PDCD7: variants seen among roughly 807,000 people sequenced by gnomAD.
The protein encoded by PDCD7 is programmed cell death protein 7.
A neutral mutation model predicts 42.1 loss-of-function variants in PDCD7; 40 were observed. That is an observed-to-expected ratio of 0.95 (90% CI 0.74 to 1.24). The LOEUF (loss-of-function observed/expected upper bound fraction) is 1.24. Among genes scored for constraint, PDCD7 ranks in the 50% most tolerant of loss-of-function variants. PDCD7 has a pLI of 0.00. For missense variants in PDCD7, 644 were observed against 662.8 expected, an observed-to-expected ratio of 0.97 and a Z score of 0.31; for synonymous variants, 299 against 303.3, an observed-to-expected ratio of 0.99 and a Z score of 0.15.
Position 65,118,732 on chromosome 15 carries a change from A to C in PDCD7, c.1443T>G (p.Ala481=). The C allele has an allele frequency of 6.2e-7, 1 of 1,608,218 alleles. No individual in the cohort carries two copies. The highest frequency in any genetic ancestry group is 8.5e-7 in the Non-Finnish European group (1 of 1,177,718). Residue 481 remains alanine, a synonymous_variant, in exon 5 of 5, where the codon GCT becomes GCG. Coordinates refer to ENST00000204549, the MANE Select transcript of PDCD7 (RefSeq NM_005707.2). ...AGCATCTTTACTAATGCAGCTTAAC[A>C]GCAGTTGCCCAGATGTCGTTGCTGG... The part of the protein sequence containing the change: ...PLPSNDIWAT[A]VKLH
chr15:65,128,893 C>T, intron 2 of PDCD7, 139 bp downstream of exon 2: 3 of 963,742 alleles, frequency 3.1e-6, no homozygotes, highest in Admixed American at 4.4e-5. Flanking sequence ...TTCTGACCTA[C>T]TTGCTGACAA....
rs2087565481 is a variant in PDCD7 at position 65,133,775 on chromosome 15, G to A, written c.7C>T (p.Leu3=). Reference sequence around the variant, plus strand: ...CGACCCTGGCCGAAGAATGGTGGCAGGGCCATGTTCACGACGGAGATGCTT... The same window carrying A: ...CGACCCTGGCCGAAGAATGGTGGCAAGGCCATGTTCACGACGGAGATGCTT... MA[L]PPFFGQGRPG... is the part of the protein sequence containing the mutation. The change falls in exon 1 of 5, where the codon CTG becomes TTG. Residue 3 remains leucine (L), a synonymous_variant. Transcript: ENST00000204549. 11 of 1,357,028 alleles carry A rather than the reference G, an allele frequency of 8.1e-6. No homozygotes were observed. Among genetic ancestry groups the A allele is most frequent in the Non-Finnish European group, 1.0e-5 (11 of 1,052,644 alleles). 84.1% of individuals were successfully genotyped at this position (1,357,028 alleles called of 1,614,324 possible).
In PDCD7 at chr15:65,118,230, A is replaced by T. The variant is rs1043345782; in HGVS notation, c.*487T>A. ...AAAACTGGGATTAACACAACTGAAG[A>T]TAACATTTTTGACCTTTCTTCCTAG... On this transcript the variant is annotated 3_prime_UTR_variant, in exon 5 of 5. Transcript: ENST00000204549. 1 of 152,370 alleles carries T rather than the reference A, an allele frequency of 6.6e-6. No homozygotes were observed. Among genetic ancestry groups the T allele is most frequent in the African/African-American group, 2.4e-5 (1 of 41,448 alleles). The allele number at this position is 152,370 out of a possible 1,614,324, so 9.4% of individuals were successfully genotyped here. A position where few individuals can be genotyped will look rare whatever the true frequency, so the allele number is the denominator to read the frequency against.
At chr15:65,129,203 A>G (rs916750935) in intron 1 of PDCD7, 33 bp from the exon 2 acceptor site, 35 of 1,610,306 alleles carry the variant, frequency 2.2e-5, no homozygotes, top group African/African-American at 2.1e-4. Context: ...GAGACCTCGT[A>G]TTAGGAACAA....
intron 4 of PDCD7, 65 bp downstream of exon 4, chr15:65,119,311 A>C: frequency 9.5e-7 from 1 of 1,053,630 alleles, no homozygotes; most frequent in African/African-American, 1.6e-5. Context: ...AAACAATGTA[A>C]GCACTTCTTC....
chr15:65,132,882 C>G (rs1424634819), intron 1 of PDCD7, 30 bp downstream of exon 1: 2 of 1,599,946 alleles, frequency 1.3e-6, no homozygotes, highest in Admixed American at 3.3e-5. Context: ...CACCACCACT[C>G]CTACCCCCAT....
rs1029440683 is a variant in PDCD7 at position 65,129,269 on chromosome 15, C to G, written c.871-99G>C. The G allele has an allele frequency of 4.0e-5, 53 of 1,341,002 alleles. No homozygotes were observed. The East Asian group carries it at 1.2e-3, about 30-fold the overall frequency. 83.1% of individuals were successfully genotyped at this position (1,341,002 alleles called of 1,614,324 possible). The stretch of plus-strand genomic sequence containing the variant: ...TAGATTTTAAAGGATCAGACAGTCT[C>G]CAGGTTAAGAGAGACTCTATTGAAT... On this transcript the variant is annotated intron_variant, in intron 1 of 4. Transcript: ENST00000204549.
At chr15:65,120,280 T>G (rs1388919117) in intron 2 of PDCD7, among the ~76,000 whole-genome samples, 1 of 152,080 alleles carries the variant, frequency 6.6e-6, no homozygotes, top group Non-Finnish European at 1.5e-5. Context: ...GCCTCCCAAG[T>G]AGCTGGGACC....
intron 2 of PDCD7, among the ~76,000 whole-genome samples, chr15:65,127,536 C>T (rs1449270421): frequency 6.6e-6 from 1 of 152,138 alleles, no homozygotes; most frequent in Non-Finnish European, 1.5e-5. Flanking sequence ...CTAGCATAGC[C>T]CATAAGACAA....
chr15:65,128,904 G>A (rs904084115), intron 2 of PDCD7, 128 bp downstream of exon 2: 13 of 1,097,180 alleles, frequency 1.2e-5, no homozygotes, highest in Middle Eastern at 2.8e-4. Context: ...TTGCTGACAA[G>A]CCCAGTTACC....
intron 4 of PDCD7, 43 bp from the exon 5 acceptor site, chr15:65,118,883 T>G: frequency 7.0e-7 from 1 of 1,434,406 alleles, no homozygotes; most frequent in Non-Finnish European, 9.3e-7. Flanking sequence ...TTCTGTTTTA[T>G]TCCAAATAAG....
chr15:65,132,178 G>A (rs1454891578), intron 1 of PDCD7, among the ~76,000 whole-genome samples: 1 of 149,940 alleles, frequency 6.7e-6, no homozygotes, highest in Non-Finnish European at 1.5e-5. Flanking sequence ...CTGAACCTGG[G>A]GATACATGGT....
At chr15:65,126,455 T>C (rs2087496846) in intron 2 of PDCD7, among the ~76,000 whole-genome samples, 1 of 152,172 alleles carries the variant, frequency 6.6e-6, no homozygotes, top group Admixed American at 6.6e-5. Context: ...GTTTTCCTTC[T>C]TAATTAGAAT....
chr15:65,129,916 T>C (rs539788311), intron 1 of PDCD7, among the ~76,000 whole-genome samples: 4 of 117,170 alleles, frequency 3.4e-5, no homozygotes, highest in African/African-American at 1.4e-4. Context: ...AAACTTTGTA[T>C]TTTTTTTTTT....
At chr15:65,128,030 A>C (rs1245530698) in intron 2 of PDCD7, among the ~76,000 whole-genome samples, 1 of 152,254 alleles carries the variant, frequency 6.6e-6, no homozygotes, top group Admixed American at 6.5e-5. Context: ...AAAGCCAATC[A>C]CTTAGCTAGC....
intron 1 of PDCD7, among the ~76,000 whole-genome samples, chr15:65,131,996 G>C (rs1216985853): frequency 6.6e-6 from 1 of 151,394 alleles, no homozygotes; most frequent in African/African-American, 2.4e-5. Context: ...TCAAAATCTG[G>C]TATATGTAAT....
chr15:65,120,815 GC>G (rs2087447630), intron 2 of PDCD7, among the ~76,000 whole-genome samples: 1 of 152,118 alleles, frequency 6.6e-6, no homozygotes, highest in Non-Finnish European at 1.5e-5. Flanking sequence ...CCCAAAGTGA[GC>G]CACTGCATCC....
Position 65,118,534 on chromosome 15 carries a change from T to C in PDCD7, c.*183A>G. The C allele has an allele frequency of 2.0e-6, 1 of 512,428 alleles. No homozygotes were observed. Among genetic ancestry groups the C allele is most frequent in the Non-Finnish European group, 3.1e-6 (1 of 321,530 alleles). 31.7% of individuals were successfully genotyped at this position (512,428 alleles called of 1,614,324 possible). A position where few individuals can be genotyped will look rare whatever the true frequency, so the allele number is the denominator to read the frequency against. On this transcript the variant is annotated 3_prime_UTR_variant, in exon 5 of 5. Coordinates refer to ENST00000204549, the MANE Select transcript of PDCD7 (RefSeq NM_005707.2). Reference sequence around the variant, plus strand: ...TAAGTCCTTTCCTGAAAAACCACATTAATCTGATTCAAGAGGCACCTCTGG... The same window carrying C: ...TAAGTCCTTTCCTGAAAAACCACATCAATCTGATTCAAGAGGCACCTCTGG...
In PDCD7 at chr15:65,125,028, C is replaced by T. The variant is rs564119110; in HGVS notation, c.1009+4004G>A. Among the ~76,000 whole-genome samples, 126 of 152,310 alleles carry T rather than the reference C, an allele frequency of 8.3e-4. 1 individual carries two copies. Among genetic ancestry groups the T allele is most frequent in the African/African-American group, 2.9e-3 (119 of 41,570 alleles). On this transcript the variant is annotated intron_variant, in intron 2 of 4. Transcript: ENST00000204549. Reference sequence around the variant, plus strand: ...CAAACCTTCACTGCTCTCCTAAAGCCCCACTTGTCTACTGGCGCTCAGCAA... The same window carrying T: ...CAAACCTTCACTGCTCTCCTAAAGCTCCACTTGTCTACTGGCGCTCAGCAA...
Sources: allele counts gnomAD v4.1 joint callset (sites outside exome capture counted in the v4.1 genomes callset), GRCh38; gene constraint gnomAD v4.1.1; transcripts MANE v1.5; gene names NCBI Gene and HGNC (gene_info 2026-07-23, HGNC 2026-07-21).